The following IMMP2L variants were observed in gnomAD, a reference collection of about 807,000 sequenced individuals.
IMMP2L encodes the protein mitochondrial inner membrane protease subunit 2.
Under a neutral mutation model 19.3 loss-of-function variants are expected in IMMP2L, and 18 were observed. The ratio of observed to expected loss-of-function variants is 0.93; its 90% CI spans 0.64 to 1.38. The LOEUF is 1.38. IMMP2L is among the 40% of genes most tolerant of loss of function. The pLI is 0.00. For missense variants in IMMP2L, 233 were observed against 218.2 expected (o/e 1.07, Z -0.43); for synonymous variants, 76 against 73.0 (o/e 1.04, Z -0.21).
chr7:111,300,305 G>A (rs971109318), intron 3 of IMMP2L, among the ~76,000 whole-genome samples: 3 of 152,138 alleles, frequency 2.0e-5, no homozygotes, highest in African/African-American at 4.8e-5. Context: ...GACCCCACCA[G>A]TTAAATCAAA....
intron 5 of IMMP2L, among the ~76,000 whole-genome samples, chr7:110,695,912 G>C (rs565936576): frequency 6.6e-6 from 1 of 152,230 alleles, no homozygotes; most frequent in Non-Finnish European, 1.5e-5. Flanking sequence ...ATAAACTGAA[G>C]TCTTTGTCTC....
chr7:110,790,887 T>A (rs1800416180), intron 5 of IMMP2L, among the ~76,000 whole-genome samples: 1 of 151,448 alleles, frequency 6.6e-6, no homozygotes, highest in African/African-American at 2.4e-5. Flanking sequence ...AGACCAATAA[T>A]GACACCTCAC....
intron 3 of IMMP2L, among the ~76,000 whole-genome samples, chr7:111,403,794 A>G (rs972025951): frequency 1.3e-5 from 2 of 152,168 alleles, no homozygotes; most frequent in African/African-American, 2.4e-5. Context: ...TCTGTGTAAT[A>G]TTGTTAAAGT....
At chr7:111,270,740 G>A (rs1387630863) in intron 3 of IMMP2L, among the ~76,000 whole-genome samples, 1 of 152,022 alleles carries the variant, frequency 6.6e-6, no homozygotes, top group African/African-American at 2.4e-5. Flanking sequence ...GAACTGAAAA[G>A]ACCTCCATCT....
chr7:110,829,864 T>C (rs960165051), intron 5 of IMMP2L, among the ~76,000 whole-genome samples: 3 of 152,150 alleles, frequency 2.0e-5, no homozygotes, highest in African/African-American at 7.2e-5. Context: ...AGCCAATCTG[T>C]GGGAGGCCTC....
intron 4 of IMMP2L, among the ~76,000 whole-genome samples, chr7:110,953,538 T>C (rs1181201573): frequency 6.6e-6 from 1 of 152,138 alleles, no homozygotes; most frequent in Admixed American, 6.6e-5. Flanking sequence ...ATGGTGTATA[T>C]GTGCCACATT....
rs573455377 is a variant in IMMP2L at position 110,723,799 on chromosome 7, T to C, written c.409-60078A>G. On this transcript the variant is annotated intron_variant, in intron 5 of 5. Coordinates refer to ENST00000405709, the MANE Select transcript of IMMP2L (RefSeq NM_032549.4). ...TGTAACCTTCAACTACAGTCTCAAA[T>C]GATACCCACACTTAAGAATAGATAT... 2.0e-5 allele frequency among the ~76,000 whole-genome samples: 3 copies of C among 147,074 alleles called. No homozygotes were observed. The Admixed American group carries it at 2.1e-4, about 10-fold the overall frequency.
intron 3 of IMMP2L, among the ~76,000 whole-genome samples, chr7:111,157,613 G>A (rs1397954992): frequency 6.6e-6 from 1 of 152,002 alleles, no homozygotes; most frequent in Non-Finnish European, 1.5e-5. Flanking sequence ...GTTGGTTAAT[G>A]GACACAAAAA....
chr7:110,839,018 C>T (rs1459303360), intron 5 of IMMP2L, among the ~76,000 whole-genome samples: 1 of 152,010 alleles, frequency 6.6e-6, no homozygotes, highest in Non-Finnish European at 1.5e-5. Context: ...CTTAATATCA[C>T]CGCATTCTCC....
rs1216693430 is a variant in IMMP2L at position 111,556,035 on chromosome 7, T to TACACAC, written c.-3+5815_-3+5816insGTGTGT. Among the ~76,000 whole-genome samples, 18 of 135,734 alleles carry TACACAC rather than the reference T, an allele frequency of 1.3e-4. 1 individual carries two copies. The highest frequency in any genetic ancestry group is 4.9e-4 in the African/African-American group (18 of 36,430). The allele number at this position is 135,734 out of a possible 152,430, so 89.0% of individuals were successfully genotyped here. On this transcript the variant is annotated intron_variant, in intron 1 of 5. Transcript: ENST00000405709. Reference sequence around the variant, plus strand: ...GTGTGCATGTATATATATATATATATACATACCCAAAGAAAATGAAACCGC... The same window carrying TACACAC: ...GTGTGCATGTATATATATATATATATACACACACATACCCAAAGAAAATGAAACCGC...
chr7:111,441,217 G>A (rs1406518914), intron 3 of IMMP2L, among the ~76,000 whole-genome samples: 1 of 151,764 alleles, frequency 6.6e-6, no homozygotes, highest in African/African-American at 2.4e-5. Context: ...TTCACAACCT[G>A]GCTAACTGTT....
chr7:111,039,473 T>G (rs1791671819), intron 3 of IMMP2L, among the ~76,000 whole-genome samples: 1 of 152,206 alleles, frequency 6.6e-6, no homozygotes, highest in South Asian at 2.1e-4. Flanking sequence ...ATGCCATGTT[T>G]GGTAAAGCTT....
intron 3 of IMMP2L, among the ~76,000 whole-genome samples, chr7:111,453,139 A>C (rs572976189): frequency 6.6e-6 from 1 of 152,314 alleles, no homozygotes; most frequent in Admixed American, 6.5e-5. Context: ...GTCCATTGCT[A>C]CAACTGGAAG....
chr7:110,865,698 T>C (rs536602110), intron 5 of IMMP2L, among the ~76,000 whole-genome samples: 1 of 151,782 alleles, frequency 6.6e-6, no homozygotes, highest in Admixed American at 6.6e-5. Context: ...AGAAAAGAAG[T>C]CACTGTAGAG....
chr7:111,318,342 G>A (rs1366751506), intron 3 of IMMP2L, among the ~76,000 whole-genome samples: 3 of 152,088 alleles, frequency 2.0e-5, no homozygotes, highest in African/African-American at 7.2e-5. Flanking sequence ...AAAAGGGGTT[G>A]AGCACACAAA....
intron 4 of IMMP2L, among the ~76,000 whole-genome samples, chr7:110,907,211 C>T (rs186581669): frequency 5.5e-4 from 83 of 152,198 alleles, no homozygotes; most frequent in Admixed American, 3.1e-3. Flanking sequence ...ACTTACGGCA[C>T]CCAAGTTTTT....
At chr7:111,263,959 A>G (rs1007649663) in intron 3 of IMMP2L, among the ~76,000 whole-genome samples, 1 of 152,148 alleles carries the variant, frequency 6.6e-6, no homozygotes, top group African/African-American at 2.4e-5. Context: ...AGATATTTAA[A>G]AGGCAAAACA....
intron 3 of IMMP2L, among the ~76,000 whole-genome samples, chr7:111,347,755 A>G (rs1827717484): frequency 6.6e-6 from 1 of 152,042 alleles, no homozygotes; most frequent in African/African-American, 2.4e-5. Flanking sequence ...GAAAGGGACA[A>G]AAGAAAAGCC....
intron 3 of IMMP2L, among the ~76,000 whole-genome samples, chr7:111,423,780 C>T (rs1252026821): frequency 6.6e-6 from 1 of 151,538 alleles, no homozygotes; most frequent in Non-Finnish European, 1.5e-5. Context: ...AATTCAAAAG[C>T]CAGCAGAAGG....
Sources: allele counts gnomAD v4.1 joint callset (sites outside exome capture counted in the v4.1 genomes callset), GRCh38; gene constraint gnomAD v4.1.1; transcripts MANE v1.5; gene names NCBI Gene and HGNC (gene_info 2026-07-23, HGNC 2026-07-21).